RANBP2: variants seen among roughly 807,000 people sequenced by gnomAD.
RANBP2 encodes the protein RAN binding protein 2.
Under a neutral mutation model 303.6 loss-of-function variants are expected in RANBP2, and 57 were observed. The ratio of observed to expected loss-of-function variants is 0.19; its 90% confidence interval spans 0.15 to 0.23. RANBP2 has a LOEUF of 0.23. Among genes scored for constraint, RANBP2 ranks in the 10% least tolerant of loss-of-function variants. RANBP2 has a pLI of 1.00. For synonymous variants in RANBP2, 1,167 were observed against 1,301.5 expected (o/e 0.90, Z 2.23); for missense variants, 3,138 against 3,780.8 (o/e 0.83, Z 4.46).
intron 6 of RANBP2, among the ~76,000 whole-genome samples, chr2:108,739,198 C>T (rs1305267132): frequency 2.0e-5 from 3 of 151,716 alleles, no homozygotes; most frequent in South Asian, 2.1e-4. Flanking sequence ...GTCAGGAGAT[C>T]GAGACCATCC....
chr2:109,587,784 G>A, the RANBP2 span, among the ~76,000 whole-genome samples: 11 of 152,034 alleles, frequency 7.2e-5, no homozygotes, highest in East Asian at 7.8e-4. Context: ...GTGGTGGCAC[G>A]CACCTGTAGT....
chr2:108,874,217 G>A, the RANBP2 span, among the ~76,000 whole-genome samples: 2 of 152,058 alleles, frequency 1.3e-5, no homozygotes, highest in Non-Finnish European at 2.9e-5. Context: ...AGTGAATTTA[G>A]GGAATGAGAA....
chr2:109,574,497 A>AAT, the RANBP2 span: 1 of 850,696 alleles, frequency 1.2e-6, no homozygotes, highest in Non-Finnish European at 1.6e-6. Context: ...TAAAAGTTAC[A>AAT]ATATATATCC....
chr2:109,379,323 T>C, the RANBP2 span, among the ~76,000 whole-genome samples: 1 of 152,218 alleles, frequency 6.6e-6, no homozygotes, highest in Non-Finnish European at 1.5e-5. Flanking sequence ...GGACTTTTCC[T>C]TAGATGAGGA....
chr2:109,315,561 G>T, the RANBP2 span, among the ~76,000 whole-genome samples: 1 of 152,232 alleles, frequency 6.6e-6, no homozygotes, highest in Non-Finnish European at 1.5e-5. Context: ...GGGACCATGT[G>T]TGCCTGTTGT....
chr2:109,716,025 G>A, the RANBP2 span, among the ~76,000 whole-genome samples: 1 of 151,980 alleles, frequency 6.6e-6, no homozygotes, highest in Non-Finnish European at 1.5e-5. Context: ...AGTTAAGGAC[G>A]CGCCCAGGAG....
chr2:108,751,843 A>G (rs769022638), intron 11 of RANBP2, 28 bp from the exon 12 acceptor site: 4 of 1,612,050 alleles, frequency 2.5e-6, no homozygotes, highest in African/African-American at 2.7e-5. Context: ...TTTAGAAAGC[A>G]ATTTTAGTAA....
chr2:109,532,102 G>A, the RANBP2 span, among the ~76,000 whole-genome samples: 3 of 152,240 alleles, frequency 2.0e-5, no homozygotes, highest in Non-Finnish European at 4.4e-5. Flanking sequence ...GGGCATGTGG[G>A]AGCCACCAAA....
the RANBP2 span, chr2:109,436,885 C>T: frequency 1.2e-6 from 2 of 1,611,884 alleles, no homozygotes; most frequent in African/African-American, 1.3e-5. Context: ...TCTGCTTTCT[C>T]TCCACAGGGT....
chr2:109,616,333 C>T, the RANBP2 span: 1 of 307,006 alleles, frequency 3.3e-6, no homozygotes, highest in Admixed American at 5.0e-5. Context: ...AGAAATGTAT[C>T]TAAATTGGGG....
chr2:109,289,761 CT>C, the RANBP2 span, among the ~76,000 whole-genome samples: 215 of 149,778 alleles, frequency 1.4e-3, 1 homozygote, highest in East Asian at 9.9e-3. Context: ...TGAAAATACA[CT>C]TTTTTTTTTA....
the RANBP2 span, among the ~76,000 whole-genome samples, chr2:109,193,962 T>C: frequency 6.6e-6 from 1 of 152,334 alleles, no homozygotes; most frequent in Non-Finnish European, 1.5e-5. Flanking sequence ...CCAGCTGCCA[T>C]GCTCCTTCTG....
chr2:109,616,956 A>G, the RANBP2 span: 2 of 166,922 alleles, frequency 1.2e-5, no homozygotes, highest in Non-Finnish European at 2.9e-5. Flanking sequence ...TTATTTAACC[A>G]TTGTTCTATT....
the RANBP2 span, among the ~76,000 whole-genome samples, chr2:109,288,590 T>C: frequency 6.6e-6 from 1 of 152,366 alleles, no homozygotes; most frequent in African/African-American, 2.4e-5. Flanking sequence ...AGAATTGTTC[T>C]GTTTCCTGAC....
the RANBP2 span, among the ~76,000 whole-genome samples, chr2:109,196,045 C>A: frequency 6.6e-6 from 1 of 152,220 alleles, no homozygotes; most frequent in South Asian, 2.1e-4. Flanking sequence ...AAGTGGGAAT[C>A]CAGGTGATGT....
At chr2:108,744,948 A>G (rs1210737254) in intron 7 of RANBP2, among the ~76,000 whole-genome samples, 1 of 152,078 alleles carries the variant, frequency 6.6e-6, no homozygotes, top group Admixed American at 6.6e-5. Context: ...TGAACATTGC[A>G]TTTACTTTAT....
At chr2:109,343,632 C>T in the RANBP2 span, among the ~76,000 whole-genome samples, 5 of 152,138 alleles carry the variant, frequency 3.3e-5, no homozygotes, top group Non-Finnish European at 5.9e-5. Flanking sequence ...GTACCAGACT[C>T]GAGCCCAGCA....
chr2:109,794,682 G>C, the RANBP2 span: 1 of 727,396 alleles, frequency 1.4e-6, no homozygotes, highest in Non-Finnish European at 1.6e-6. Context: ...TCCGTGGCGC[G>C]CTCTGTTGAG....
chr2:109,359,165 T>C, the RANBP2 span, among the ~76,000 whole-genome samples: 1 of 152,240 alleles, frequency 6.6e-6, no homozygotes, highest in African/African-American at 2.4e-5. Context: ...AATGACAGAC[T>C]GTCTTCATTA....
Sources: allele counts gnomAD v4.1 joint callset (sites outside exome capture counted in the v4.1 genomes callset), GRCh38; gene constraint gnomAD v4.1.1; transcripts MANE v1.5; gene names NCBI Gene and HGNC (gene_info 2026-07-23, HGNC 2026-07-21).